ZNF704: variants seen among roughly 807,000 people sequenced by gnomAD.
ZNF704 encodes zinc finger protein 704, also known as glucocorticoid induced gene 1.
Under a neutral mutation model 44.7 loss-of-function variants are expected in ZNF704, and 10 were observed. The observed-to-expected ratio is 0.22, with a 90% CI of 0.14 to 0.38. The LOEUF (loss-of-function observed/expected upper bound fraction) is 0.38. Among genes scored for constraint, ZNF704 ranks in the 10% least tolerant of loss-of-function variants. ZNF704 has a pLI of 1.00. For missense variants in ZNF704, 390 were observed against 545.5 expected (o/e 0.71, Z 2.84); for synonymous variants, 211 against 207.6 (o/e 1.02, Z -0.14).
At position 80,712,936 on chromosome 8, in the gene ZNF704, C is replaced by G. The variant is rs1819010489; in HGVS notation, c.222-19829G>C. On this transcript the variant is annotated intron_variant, in intron 2 of 8. Transcript: ENST00000327835. ...TTGAGACAGAATTTTGCTCTTGTTA[C>G]CCAGGCTGGAGTGCAATGGCATGAC... is the stretch of plus-strand genomic sequence containing the variant. 2.0e-5 allele frequency among the ~76,000 whole-genome samples: 3 copies of G among 151,622 alleles called. No homozygotes were observed. In the South Asian group the frequency reaches 6.3e-4, roughly 32 times the overall value.
At chr8:80,790,272 G>C (rs1807681753) in intron 2 of ZNF704, among the ~76,000 whole-genome samples, 1 of 152,196 alleles carries the variant, frequency 6.6e-6, no homozygotes, top group Non-Finnish European at 1.5e-5. Flanking sequence ...TGTGCAGTTA[G>C]GGTTGTGACT....
At chr8:80,882,321 A>G in the ZNF704 span, among the ~76,000 whole-genome samples, 2 of 152,200 alleles carry the variant, frequency 1.3e-5, no homozygotes, top group African/African-American at 4.8e-5. Context: ...CACTTTGACA[A>G]ATGTTTCATG....
intron 2 of ZNF704, among the ~76,000 whole-genome samples, chr8:80,798,315 G>A (rs1248229782): frequency 2.0e-5 from 3 of 151,588 alleles, no homozygotes; most frequent in African/African-American, 7.3e-5. Context: ...GAGTACCATG[G>A]CACAATCTTA....
chr8:80,731,332 A>G (rs946476440), intron 2 of ZNF704, among the ~76,000 whole-genome samples: 3 of 152,228 alleles, frequency 2.0e-5, no homozygotes, highest in Non-Finnish European at 4.4e-5. Flanking sequence ...ATATCAAATT[A>G]ACTCCTGCTG....
At chr8:80,677,382 CA>C (rs1165270818) in intron 4 of ZNF704, among the ~76,000 whole-genome samples, 2 of 152,124 alleles carry the variant, frequency 1.3e-5, no homozygotes, top group Admixed American at 6.5e-5. Context: ...AAATAAATAT[CA>C]TTGGTTTAAC....
At chr8:80,834,449 C>G (rs1409341630) in intron 1 of ZNF704, among the ~76,000 whole-genome samples, 2 of 152,158 alleles carry the variant, frequency 1.3e-5, no homozygotes, top group Admixed American at 1.3e-4. Context: ...ATGTCCAAAC[C>G]ACACAACTAC....
intron 1 of ZNF704, among the ~76,000 whole-genome samples, chr8:80,856,679 G>T (rs1457837237): frequency 1.1e-4 from 16 of 152,012 alleles, no homozygotes; most frequent in Non-Finnish European, 2.1e-4. Context: ...TTTCTGTTGG[G>T]TCTATTTTGG....
intron 2 of ZNF704, among the ~76,000 whole-genome samples, chr8:80,796,336 T>C (rs890766755): frequency 1.3e-5 from 2 of 152,180 alleles, no homozygotes; most frequent in African/African-American, 2.4e-5. Flanking sequence ...AGTCTCACTC[T>C]TGTGATAACT....
At chr8:80,813,878 C>CA (rs1487649920) in intron 2 of ZNF704, among the ~76,000 whole-genome samples, 52 of 148,958 alleles carry the variant, frequency 3.5e-4, no homozygotes, top group African/African-American at 9.1e-4. Flanking sequence ...GACTCTGTCT[C>CA]AAAAAAAAAG....
intron 3 of ZNF704, among the ~76,000 whole-genome samples, chr8:80,689,145 C>T (rs925152803): frequency 6.6e-6 from 1 of 151,942 alleles, no homozygotes; most frequent in African/African-American, 2.4e-5. Flanking sequence ...GAGGAAAAAA[C>T]ATCCCCAAAT....
intron 6 of ZNF704, among the ~76,000 whole-genome samples, chr8:80,661,220 A>G (rs1175838970): frequency 1.3e-5 from 2 of 152,242 alleles, no homozygotes; most frequent in African/African-American, 2.4e-5. Context: ...TATCAGAAAA[A>G]TGTGTATCAA....
intron 2 of ZNF704, among the ~76,000 whole-genome samples, chr8:80,784,269 C>T (rs1289775018): frequency 6.6e-6 from 1 of 152,168 alleles, no homozygotes; most frequent in African/African-American, 2.4e-5. Flanking sequence ...TTTAATTCAT[C>T]TGGATAAACA....
intron 2 of ZNF704, among the ~76,000 whole-genome samples, chr8:80,719,297 GA>G (rs1246758425): frequency 6.6e-6 from 1 of 152,050 alleles, no homozygotes; most frequent in Non-Finnish European, 1.5e-5. Flanking sequence ...ATTGGATAAT[GA>G]ACAATTTACT....
At chr8:80,730,368 T>C (rs1806558330) in intron 2 of ZNF704, among the ~76,000 whole-genome samples, 1 of 151,786 alleles carries the variant, frequency 6.6e-6, no homozygotes, top group Non-Finnish European at 1.5e-5. Flanking sequence ...TGAAATGCCA[T>C]CTCTACTAAA....
At chr8:80,813,605 C>T (rs562682560) in intron 2 of ZNF704, among the ~76,000 whole-genome samples, 44 of 152,194 alleles carry the variant, frequency 2.9e-4, no homozygotes, top group Non-Finnish European at 5.6e-4. Flanking sequence ...AGGCCGGGCG[C>T]GGTGGCTCAT....
chr8:80,778,763 C>G (rs1015077751), intron 2 of ZNF704, among the ~76,000 whole-genome samples: 1 of 151,994 alleles, frequency 6.6e-6, no homozygotes, highest in African/African-American at 2.4e-5. Context: ...GGAACAGAAA[C>G]CAAATGCCGC....
At position 80,705,130 on chromosome 8, in the gene ZNF704, T is replaced by C. The variant is rs78094416; in HGVS notation, c.222-12023A>G. Among the ~76,000 whole-genome samples, 400 of 152,292 alleles carry C rather than the reference T, an allele frequency of 2.6e-3. 1 individual carries two copies. The highest frequency in any genetic ancestry group is 9.1e-3 in the African/African-American group (379 of 41,566). On this transcript the variant is annotated intron_variant, in intron 2 of 8. Coordinates refer to ENST00000327835, the MANE Select transcript of ZNF704 (RefSeq NM_001033723.3). The stretch of plus-strand genomic sequence containing the variant: ...CCACACATTTGGTGTCAGAAGTGTG[T>C]TGTGGGAGTGCAGTGGGAGAGCCTG...
intron 1 of ZNF704, among the ~76,000 whole-genome samples, chr8:80,840,962 G>C (rs555553276): frequency 1.1e-4 from 16 of 152,262 alleles, no homozygotes; most frequent in African/African-American, 3.9e-4. Flanking sequence ...GAGGATTATT[G>C]ATAGTTCCTC....
intron 2 of ZNF704, among the ~76,000 whole-genome samples, chr8:80,748,844 G>A (rs186256483): frequency 4.6e-5 from 7 of 152,308 alleles, no homozygotes; most frequent in Admixed American, 1.3e-4. Context: ...CTTCTAGGCC[G>A]CCTCTGAGAG....
Sources: allele counts gnomAD v4.1 joint callset (sites outside exome capture counted in the v4.1 genomes callset), GRCh38; gene constraint gnomAD v4.1.1; transcripts MANE v1.5; gene names NCBI Gene and HGNC (gene_info 2026-07-23, HGNC 2026-07-21).